CNTN5: variants seen among roughly 807,000 people sequenced by gnomAD.
The protein encoded by CNTN5 is contactin-5.
Under a neutral mutation model 129.1 loss-of-function variants are expected in CNTN5, and 77 were observed. The observed-to-expected ratio is 0.60, with a 90% confidence interval of 0.50 to 0.72. The LOEUF is 0.72. Ranked by LOEUF, CNTN5 falls within the 30% of genes least tolerant of loss-of-function variation. The pLI, the probability that CNTN5 is intolerant of heterozygous loss-of-function variation, is 0.00. For missense variants in CNTN5, 1,478 were observed against 1,328.8 expected, an observed-to-expected ratio of 1.11 and a Z score of -1.75; for synonymous variants, 509 against 465.6, an observed-to-expected ratio of 1.09 and a Z score of -1.20.
At chr11:99,052,780 G>A (rs1864479854) in intron 1 of CNTN5, among the ~76,000 whole-genome samples, 1 of 151,864 alleles carries the variant, frequency 6.6e-6, no homozygotes, top group Non-Finnish European at 1.5e-5. Flanking sequence ...TAGACATGAT[G>A]ATAATTTAGG....
intron 3 of CNTN5, among the ~76,000 whole-genome samples, chr11:99,775,517 C>T (rs894839677): frequency 6.6e-6 from 1 of 151,842 alleles, no homozygotes; most frequent in African/African-American, 2.4e-5. Flanking sequence ...ACAAAAACCT[C>T]ATAACTTTAA....
intron 1 of CNTN5, among the ~76,000 whole-genome samples, chr11:99,271,192 C>G (rs187611649): frequency 6.6e-6 from 1 of 151,832 alleles, no homozygotes; most frequent in South Asian, 2.1e-4. Flanking sequence ...TTAATTTAAT[C>G]AGACTTATGA....
intron 3 of CNTN5, among the ~76,000 whole-genome samples, chr11:99,696,219 T>C (rs1378376579): frequency 1.3e-5 from 2 of 152,118 alleles, no homozygotes; most frequent in Non-Finnish European, 2.9e-5. Flanking sequence ...GCTTTAAAGA[T>C]ATGTTTGCCA....
intron 3 of CNTN5, among the ~76,000 whole-genome samples, chr11:99,649,399 G>A (rs1381238584): frequency 6.6e-6 from 1 of 151,596 alleles, no homozygotes; most frequent in Non-Finnish European, 1.5e-5. Flanking sequence ...TTGTCATTAG[G>A]AGAAAATTCA....
Position 99,129,320 on chromosome 11 carries a change from A to G in CNTN5, c.-210+108050A>G, listed in dbSNP as rs186504782. 1.3e-4 allele frequency among the ~76,000 whole-genome samples: 20 copies of G among 152,324 alleles called. No individual in the cohort carries two copies. In the East Asian group the frequency reaches 1.7e-3, roughly 13 times the overall value. On this transcript the variant is annotated intron_variant, in intron 1 of 24. Coordinates refer to ENST00000524871, the MANE Select transcript of CNTN5 (RefSeq NM_014361.4). The stretch of plus-strand genomic sequence containing the variant: ...CTCTGTGATGCAAACACAGGTATCA[A>G]TAGCTGAATTGACCAGGCAGAAGAG...
intron 2 of CNTN5, among the ~76,000 whole-genome samples, chr11:99,332,999 A>G (rs915573377): frequency 7.2e-5 from 11 of 152,090 alleles, no homozygotes; most frequent in African/African-American, 2.7e-4. Flanking sequence ...GCCGCTACCT[A>G]TATATGCTTT....
At chr11:100,107,597 A>G (rs955171576) in intron 13 of CNTN5, among the ~76,000 whole-genome samples, 7 of 151,514 alleles carry the variant, frequency 4.6e-5, no homozygotes, top group African/African-American at 1.7e-4. Context: ...GAATTTAATT[A>G]AAGGCTGGCT....
At chr11:99,680,518 C>T (rs1953502754) in intron 3 of CNTN5, among the ~76,000 whole-genome samples, 2 of 151,880 alleles carry the variant, frequency 1.3e-5, no homozygotes, top group Admixed American at 6.6e-5. Context: ...TTTAAGCCCA[C>T]TGTCGAGATT....
At chr11:99,374,577 C>G (rs1940042535) in intron 2 of CNTN5, among the ~76,000 whole-genome samples, 1 of 151,940 alleles carries the variant, frequency 6.6e-6, no homozygotes, top group African/African-American at 2.4e-5. Flanking sequence ...CCAGCTACTC[C>G]AGAGGCTGAG....
intron 2 of CNTN5, among the ~76,000 whole-genome samples, chr11:99,432,545 G>A (rs182756332): frequency 9.3e-5 from 13 of 139,836 alleles, no homozygotes; most frequent in African/African-American, 1.8e-4. Context: ...AGGGGCGAAT[G>A]GGGTAGTATA....
chr11:99,239,424 T>C (rs1861430224), intron 1 of CNTN5, among the ~76,000 whole-genome samples: 1 of 152,242 alleles, frequency 6.6e-6, no homozygotes. Context: ...GAACATTTTT[T>C]GATAGAGTCA....
At chr11:99,738,234 ATCCAG>A (rs1426321732) in intron 3 of CNTN5, among the ~76,000 whole-genome samples, 1 of 152,238 alleles carries the variant, frequency 6.6e-6, no homozygotes, top group East Asian at 1.9e-4. Flanking sequence ...ATGGGCCCTA[ATCCAG>A]TCTGACTGGT....
At chr11:99,277,365 T>C (rs1329745459) in intron 1 of CNTN5, among the ~76,000 whole-genome samples, 1 of 151,648 alleles carries the variant, frequency 6.6e-6, no homozygotes, top group African/African-American at 2.4e-5. Flanking sequence ...TGTCTTTATA[T>C]AGTCATTTCC....
intron 3 of CNTN5, among the ~76,000 whole-genome samples, chr11:99,568,432 TTGCTTATGGTAAGAATTGTTTTAC>T (rs1255458813): frequency 6.6e-6 from 1 of 152,232 alleles, no homozygotes; most frequent in African/African-American, 2.4e-5. Flanking sequence ...TAAAATATGC[TTGCTTATGGTAAGAATTGTTTTAC>T]TGCTTAGCAC....
At chr11:99,686,064 G>T (rs1029522681) in intron 3 of CNTN5, among the ~76,000 whole-genome samples, 5 of 151,966 alleles carry the variant, frequency 3.3e-5, no homozygotes, top group African/African-American at 9.7e-5. Flanking sequence ...TCAAACAAAT[G>T]TTGGAACACT....
chr11:100,029,053 C>T (rs910119419), intron 9 of CNTN5, among the ~76,000 whole-genome samples: 1 of 151,164 alleles, frequency 6.6e-6, no homozygotes, highest in African/African-American at 2.4e-5. Context: ...GAGCCAAATA[C>T]GTTAGAAGAT....
At chr11:99,887,471 G>T (rs1420914040) in intron 6 of CNTN5, among the ~76,000 whole-genome samples, 1 of 152,184 alleles carries the variant, frequency 6.6e-6, no homozygotes, top group African/African-American at 2.4e-5. Context: ...ATTAGTCAGG[G>T]TTCTCTAGAG....
intron 1 of CNTN5, among the ~76,000 whole-genome samples, chr11:99,055,289 G>A (rs1293874357): frequency 1.3e-5 from 2 of 151,930 alleles, no homozygotes; most frequent in Non-Finnish European, 2.9e-5. Context: ...TGTAATATCT[G>A]AGATGTTTAT....
intron 9 of CNTN5, among the ~76,000 whole-genome samples, chr11:100,011,824 C>T (rs1409438844): frequency 1.3e-5 from 2 of 152,044 alleles, no homozygotes; most frequent in African/African-American, 4.8e-5. Flanking sequence ...TTTCCTCACC[C>T]CTTAGCTAAG....
Sources: gnomAD v4.1 joint callset for allele counts (sites outside exome capture counted in the v4.1 genomes callset) on GRCh38, gnomAD v4.1.1 for gene constraint, MANE v1.5 for transcripts, NCBI Gene and HGNC (gene_info 2026-07-23, HGNC 2026-07-21) for gene names.